Variants in CDX4 observed in about 807,000 individuals in gnomAD.
The protein encoded by CDX4 is caudal type homeobox 4.
CDX4 carries 11 observed loss-of-function variants against 14.1 expected under a neutral mutation model. The ratio of observed to expected loss-of-function variants is 0.78; its 90% CI spans 0.49 to 1.29. The LOEUF (loss-of-function observed/expected upper bound fraction) is 1.29, where lower values mean the gene tolerates loss of function less well. CDX4 is among the 50% of genes most tolerant of loss of function. The pLI is 0.00. For synonymous variants in CDX4, 100 were observed against 93.5 expected (o/e 1.07, Z -0.40); for missense variants, 257 against 237.4 (o/e 1.08, Z -0.54).
chrX:73,451,905 G>A (rs1431747828), intron 1 of CDX4, among the ~76,000 whole-genome samples: 3 of 111,501 alleles, frequency 2.7e-5, no homozygotes, highest in Non-Finnish European at 5.7e-5. Context: ...TTCTGTCTTT[G>A]CAACATGCCA....
At chrX:73,449,766 C>T (rs1239317559) in intron 1 of CDX4, among the ~76,000 whole-genome samples, 1 of 111,176 alleles carries the variant, frequency 9.0e-6, no homozygotes, top group Non-Finnish European at 1.9e-5. Context: ...GGTTATCTCC[C>T]TAGAAAAAAT....
intron 1 of CDX4, among the ~76,000 whole-genome samples, chrX:73,448,213 C>T (rs1439293016): frequency 9.0e-6 from 1 of 110,541 alleles, no homozygotes; most frequent in Non-Finnish European, 1.9e-5. Context: ...CTCCCCCCTC[C>T]CCGCCCCCAA....
chrX:73,447,807 C>A (rs769218001), intron 1 of CDX4, 52 bp downstream of exon 1: 2 of 1,132,375 alleles, frequency 1.8e-6, no homozygotes, highest in Non-Finnish European at 2.3e-6. Context: ...CCCTTCTCCG[C>A]TACTTCTCTT....
At chrX:73,447,801 T>C in intron 1 of CDX4, 46 bp downstream of exon 1, 1 of 1,133,214 alleles carries the variant, frequency 8.8e-7, no homozygotes, top group Non-Finnish European at 1.2e-6. Flanking sequence ...TTCCTTCCCT[T>C]CTCCGCTACT....
rs1292629709 is a variant in CDX4, at chrX:73,454,717, G to A, written c.*132G>A. 1 of 463,645 alleles carries A rather than the reference G, an allele frequency of 2.2e-6. No homozygotes were observed. The highest frequency in any genetic ancestry group is 4.1e-5 in the Admixed American group (1 of 24,636). 38.2% of individuals were successfully genotyped at this position (463,645 alleles called of 1,213,427 possible). On this transcript the variant is annotated 3_prime_UTR_variant, in exon 3 of 3. Transcript: ENST00000373514. ...TATTTGGAACAGATGGATGCACAAT[G>A]GGTTGAAGATAATTTAGGGGACTCT...
At chrX:73,450,072 A>G (rs755633720) in intron 1 of CDX4, among the ~76,000 whole-genome samples, 1 of 112,367 alleles carries the variant, frequency 8.9e-6, no homozygotes, top group Non-Finnish European at 1.9e-5. Context: ...CTGAGAGGAA[A>G]AGATGAACTT....
At position 73,447,471 on chromosome X, in the gene CDX4, G is replaced by T; in HGVS notation, c.218G>T (p.Gly73Val). 8.3e-7 allele frequency: 1 copy of T among 1,211,764 alleles called. No individual in the cohort carries two copies. Among genetic ancestry groups the T allele is most frequent in the South Asian group, 1.8e-5 (1 of 56,978 alleles). The change falls in exon 1 of 3, where the codon GGC (glycine) becomes GTC (valine). Residue 73 changes from glycine to valine, a missense_variant. Physicochemically the swap from Gly to Val is moderately radical, Grantham distance 109. Transcript: ENST00000373514. Reference protein sequence around the residue: ...DPHWPSLGVWGSPYSPPREDW... With the variant: ...DPHWPSLGVWVSPYSPPREDW... ...CACTGGCCGTCTCTGGGAGTCTGGG[G>T]CTCACCCTACAGTCCCCCGCGAGAA...
In CDX4 at chrX:73,454,685, A is replaced by T; in HGVS notation, c.*100A>T. The T allele has an allele frequency of 1.8e-6, 1 of 560,774 alleles. No homozygotes were observed. The highest frequency in any genetic ancestry group is 2.9e-6 in the Non-Finnish European group (1 of 344,179). 46.2% of individuals were successfully genotyped at this position (560,774 alleles called of 1,213,427 possible). ...GTTGGAGCAGGGTGTAATTCCCTGTAAGGCAGTATTTGGAACAGATGGATG... is the reference window on the plus strand; with the variant it reads ...GTTGGAGCAGGGTGTAATTCCCTGTTAGGCAGTATTTGGAACAGATGGATG... On this transcript the variant is annotated 3_prime_UTR_variant, in exon 3 of 3. Coordinates refer to ENST00000373514, the MANE Select transcript of CDX4 (RefSeq NM_005193.2).
rs1281957446 is a variant in CDX4 at position 73,447,480 on chromosome X, A to G, written c.227A>G (p.Tyr76Cys). The G allele has an allele frequency of 1.7e-6, 2 of 1,209,782 alleles. No homozygotes were observed. Among genetic ancestry groups the G allele is most frequent in the Admixed American group, 4.4e-5 (2 of 45,844 alleles). ...WPSLGVWGSP[Y>C]SPPREDWSVY... ...TCTCTGGGAGTCTGGGGCTCACCCT[A>G]CAGTCCCCCGCGAGAAGACTGGAGC... is the stretch of plus-strand genomic sequence containing the variant. The change falls in exon 1 of 3, where the codon TAC becomes TGC. Residue 76 changes from tyrosine to cysteine, a missense_variant. By Grantham distance (194) the Tyr-to-Cys change is radical. Coordinates refer to ENST00000373514, the MANE Select transcript of CDX4 (RefSeq NM_005193.2).
chrX:73,450,193 T>C lies in CDX4; in HGVS notation c.502+2438T>C, dbSNP rs573734109. Among the ~76,000 whole-genome samples, 13 of 111,655 alleles carry C rather than the reference T, an allele frequency of 1.2e-4. No individual in the cohort carries two copies. In the South Asian group the frequency reaches 4.8e-3, roughly 41 times the overall value. ...AAAAAATGCATGTATTAGTGGACAA[T>C]CAGAAAACATTTCATAGCGACCATT... On this transcript the variant is annotated intron_variant, in intron 1 of 2. Coordinates refer to ENST00000373514, the MANE Select transcript of CDX4 (RefSeq NM_005193.2).
At position 73,454,561 on chromosome X, in the gene CDX4, A is replaced by G. The variant is rs760035317; in HGVS notation, c.831A>G (p.Ile277Met). Reference protein sequence around the residue: ...SAVRGFQPIEIQQVIVSE With the variant: ...SAVRGFQPIEMQQVIVSE ...TTCGTGGATTTCAACCTATTGAGAT[A>G]CAGCAGGTTATAGTCTCCGAATGAA... The change falls in exon 3 of 3, where the codon ATA becomes ATG. Residue 277 changes from isoleucine to methionine, a missense_variant. Transcript: ENST00000373514. The G allele has an allele frequency of 1.7e-6, 2 of 1,205,002 alleles. No individual in the cohort carries two copies. The highest frequency in any genetic ancestry group is 1.1e-6 in the Non-Finnish European group (1 of 891,172).
intron 1 of CDX4, among the ~76,000 whole-genome samples, chrX:73,452,387 G>A (rs1370022804): frequency 1.8e-5 from 2 of 110,435 alleles, no homozygotes; most frequent in Non-Finnish European, 3.8e-5. Flanking sequence ...AAGATCAGAA[G>A]GAGTATTTAA....
At chrX:73,447,846 C>T (rs1279438562) in intron 1 of CDX4, 91 bp downstream of exon 1, 1 of 1,046,387 alleles carries the variant, frequency 9.6e-7, no homozygotes. Flanking sequence ...CTTCTCAGGC[C>T]TCTCCCAAGA....
chrX:73,447,691 C>T lies in CDX4; in HGVS notation c.438C>T (p.Ala146=), dbSNP rs1201939178. The T allele has an allele frequency of 8.3e-7, 1 of 1,202,263 alleles. No homozygotes were observed. The highest frequency in any genetic ancestry group is 1.7e-5 in the African/African-American group (1 of 57,476). The change falls in exon 1 of 3, where the codon GCC becomes GCT. Residue 146 remains alanine, a synonymous_variant. Transcript: ENST00000373514. ...LVPTDAGAAK[A]SSPSRSRHSP... ...CGACGGACGCAGGCGCCGCCAAGGC[C>T]AGTTCCCCCAGCAGGAGCCGCCACA...
intron 1 of CDX4, among the ~76,000 whole-genome samples, chrX:73,450,817 A>T: frequency 8.9e-6 from 1 of 111,776 alleles, no homozygotes; most frequent in Non-Finnish European, 1.9e-5. Context: ...TAATCTTTAC[A>T]TTCACTCCCA....
chrX:73,454,305 A>ATATT, intron 2 of CDX4, 74 bp from the exon 3 acceptor site: 1 of 717,728 alleles, frequency 1.4e-6, no homozygotes, highest in Non-Finnish European at 2.1e-6. Flanking sequence ...GGCTTTGTAA[A>ATATT]TGCTAAAGTC....
rs760805148 is a variant in CDX4 at position 73,447,571 on chromosome X, C to A, written c.318C>A (p.Ala106=). ...VPVNDVTSSP[A]AFCSTDYSNL... ...TGAACGACGTGACCTCTAGCCCCGCCGCTTTCTGCTCGACCGACTACAGCA... is the reference window on the plus strand; with the variant it reads ...TGAACGACGTGACCTCTAGCCCCGCAGCTTTCTGCTCGACCGACTACAGCA... The change falls in exon 1 of 3, where the codon GCC becomes GCA. Residue 106 remains alanine (A), a synonymous_variant. Transcript: ENST00000373514. 12 of 1,209,840 alleles carry A rather than the reference C, an allele frequency of 9.9e-6. No individual in the cohort carries two copies. The highest frequency in any genetic ancestry group is 1.7e-5 in the African/African-American group (1 of 57,205).
rs2057076054 is a variant in CDX4 at position 73,447,828 on chromosome X, C to T, written c.502+73C>T. The T allele has an allele frequency of 8.2e-6, 9 of 1,091,254 alleles. No homozygotes were observed. The South Asian group carries it at 1.3e-4, about 15-fold the overall frequency. 89.9% of individuals were successfully genotyped at this position (1,091,254 alleles called of 1,213,427 possible). On this transcript the variant is annotated intron_variant, in intron 1 of 2. Transcript: ENST00000373514. ...TCCGCTACTTCTCTTGGTCGGCCTG[C>T]CCTCGTACTTCTCAGGCCTCTCCCA...
chrX:73,454,335 C>T (rs1464794733), intron 2 of CDX4, 44 bp from the exon 3 acceptor site: 2 of 924,665 alleles, frequency 2.2e-6, no homozygotes, highest in Non-Finnish European at 3.1e-6. Context: ...TATCAGAAAT[C>T]ACTAAGTTAA....
Sources: gnomAD v4.1 joint callset for allele counts (sites outside exome capture counted in the v4.1 genomes callset) on GRCh38, gnomAD v4.1.1 for gene constraint, MANE v1.5 for transcripts, NCBI Gene and HGNC (gene_info 2026-07-23, HGNC 2026-07-21) for gene names.